CYRIB: variants seen among roughly 807,000 people sequenced by gnomAD.
The protein encoded by CYRIB is CYFIP related Rac1 interactor B, also known as CYFIP-related Rac1 interactor B.
CYRIB carries 8 observed loss-of-function variants against 44.2 expected under a neutral mutation model. The observed-to-expected ratio is 0.18, with a 90% CI of 0.11 to 0.33. CYRIB has a LOEUF of 0.33. Ranked by LOEUF, CYRIB falls within the 10% of genes least tolerant of loss-of-function variation. The probability of loss-of-function intolerance (pLI) is 1.00; values close to 1 mark genes in which losing one functional copy is unlikely to be tolerated. For missense variants in CYRIB, 185 were observed against 382.8 expected, an observed-to-expected ratio of 0.48 and a Z score of 4.31; for synonymous variants, 131 against 127.2, an observed-to-expected ratio of 1.03 and a Z score of -0.20.
intron 1 of CYRIB, among the ~76,000 whole-genome samples, chr8:129,980,931 C>T (rs2096210713): frequency 6.6e-6 from 1 of 151,046 alleles, no homozygotes; most frequent in South Asian, 2.1e-4. Context: ...CTGCAGTGAG[C>T]AGAGGTGGCA....
chr8:129,966,261 C>A (rs2095475609), intron 2 of CYRIB, among the ~76,000 whole-genome samples: 1 of 152,152 alleles, frequency 6.6e-6, no homozygotes, highest in African/African-American at 2.4e-5. Flanking sequence ...ACATTTATAA[C>A]TATAGGAAAC....
chr8:129,869,811 A>G (rs1232645609), intron 4 of CYRIB, among the ~76,000 whole-genome samples: 1 of 152,184 alleles, frequency 6.6e-6, no homozygotes, highest in Non-Finnish European at 1.5e-5. Context: ...CAAAATATAT[A>G]AGAAACCAGG....
intron 2 of CYRIB, among the ~76,000 whole-genome samples, chr8:129,900,500 C>G (rs2135592859): frequency 6.6e-6 from 1 of 152,304 alleles, no homozygotes; most frequent in East Asian, 1.9e-4. Flanking sequence ...CTGAAACTTA[C>G]CACCGTACAG....
chr8:129,861,942 C>T, intron 5 of CYRIB, among the ~76,000 whole-genome samples: 1 of 152,112 alleles, frequency 6.6e-6, no homozygotes, highest in East Asian at 1.9e-4. Context: ...CTTGGTTAGT[C>T]AAACTTTTGT....
chr8:129,961,299 G>A lies in CYRIB; in HGVS notation c.-243+9644C>T, dbSNP rs556657568. On this transcript the variant is annotated intron_variant, in intron 2 of 14. Coordinates refer to the CYRIB transcript ENST00000401979. ...GGGTTCTGCTCTGGGGTTCAGAAAC[G>A]GGAGTCATCATATGGACAGAGTGGT... Among the ~76,000 whole-genome samples, 67 of 152,276 alleles carry A rather than the reference G, an allele frequency of 4.4e-4. 1 individual carries two copies. The South Asian group carries it at 0.012, about 28-fold the overall frequency.
intron 2 of CYRIB, among the ~76,000 whole-genome samples, chr8:129,951,830 T>G (rs2094519699): frequency 6.6e-6 from 1 of 152,230 alleles, no homozygotes; most frequent in Non-Finnish European, 1.5e-5. Context: ...TCGTTTGTAT[T>G]ATGTTTATTG....
intron 2 of CYRIB, among the ~76,000 whole-genome samples, chr8:129,895,090 A>G (rs2067292938): frequency 9.1e-6 from 1 of 109,614 alleles, no homozygotes; most frequent in Non-Finnish European, 1.7e-5. Flanking sequence ...TGCCCGTGTC[A>G]TCATGCTAGT....
At chr8:129,902,041 A>C (rs1282214536) in intron 2 of CYRIB, among the ~76,000 whole-genome samples, 1 of 152,192 alleles carries the variant, frequency 6.6e-6, no homozygotes, top group Non-Finnish European at 1.5e-5. Context: ...ATTCTGAGGC[A>C]GGATTCATAG....
chr8:129,905,756 A>G (rs2074979237), intron 1 of CYRIB, among the ~76,000 whole-genome samples: 1 of 152,226 alleles, frequency 6.6e-6, no homozygotes, highest in Non-Finnish European at 1.5e-5. Flanking sequence ...GCATAAAATC[A>G]TGGGGGAAAA....
chr8:129,850,822 A>G lies in CYRIB; in HGVS notation c.713+13T>C, dbSNP rs373313465. Reference sequence around the variant, plus strand: ...CAGCACTGTTAAAGTGAAAAAGATCAGCTGATACTCACGGTGTTTCCAGCA... The same window carrying G: ...CAGCACTGTTAAAGTGAAAAAGATCGGCTGATACTCACGGTGTTTCCAGCA... On this transcript the variant is annotated intron_variant, in intron 9 of 11. Transcript: ENST00000519824. The G allele has an allele frequency of 9.6e-5, 153 of 1,593,454 alleles. No homozygotes were observed. The highest frequency in any genetic ancestry group is 1.2e-4 in the Admixed American group (7 of 59,746).
At chr8:129,869,839 G>A (rs2056209289) in intron 4 of CYRIB, among the ~76,000 whole-genome samples, 1 of 152,044 alleles carries the variant, frequency 6.6e-6, no homozygotes, top group South Asian at 2.1e-4. Flanking sequence ...TCCTCAAGCT[G>A]GAAGTACAGT....
intron 1 of CYRIB, among the ~76,000 whole-genome samples, chr8:129,983,842 A>C (rs1003059952): frequency 1.3e-5 from 2 of 152,222 alleles, no homozygotes; most frequent in Non-Finnish European, 2.9e-5. Context: ...AACCGGGTGC[A>C]AGAGGCCGAA....
chr8:129,852,359 T>C, intron 7 of CYRIB, 81 bp from the exon 10 acceptor site: 1 of 753,534 alleles, frequency 1.3e-6, no homozygotes. Flanking sequence ...CCAGGCAGGG[T>C]GCCTGCCTCA....
At chr8:129,909,283 A>C (rs2076895637) in intron 1 of CYRIB, among the ~76,000 whole-genome samples, 1 of 152,182 alleles carries the variant, frequency 6.6e-6, no homozygotes, top group African/African-American at 2.4e-5. Flanking sequence ...TTACAATCTT[A>C]ATTTTCCCCT....
At position 130,012,143 on chromosome 8, in the gene CYRIB, A is replaced by G. The variant is rs77047708; in HGVS notation, c.-296+4227T>C. Among the ~76,000 whole-genome samples, 1,230 of 152,184 alleles carry G rather than the reference A, an allele frequency of 8.1e-3. 18 individuals carry two copies. The highest frequency in any genetic ancestry group is 0.028 in the African/African-American group (1,172 of 41,516). On this transcript the variant is annotated intron_variant, in intron 1 of 14. Coordinates refer to the CYRIB transcript ENST00000401979. ...CTCCTCATCAACTTCGATTATTTAT[A>G]TATTTATGAACACGATGTTCAAGGA...
chr8:129,914,751 G>A (rs1357070299), intron 1 of CYRIB, among the ~76,000 whole-genome samples: 2 of 152,112 alleles, frequency 1.3e-5, no homozygotes, highest in South Asian at 2.1e-4. Flanking sequence ...TAAAAATCAT[G>A]AACAACATAA....
At chr8:129,879,727 G>A in intron 2 of CYRIB, 1 of 375,036 alleles carries the variant, frequency 2.7e-6, no homozygotes, top group Non-Finnish European at 4.8e-6. Flanking sequence ...ATTCTCCCAA[G>A]ACAAGTTTCA....
chr8:129,959,632 A>T (rs1343475841), intron 2 of CYRIB, among the ~76,000 whole-genome samples: 6 of 152,150 alleles, frequency 3.9e-5, no homozygotes, highest in Admixed American at 2.6e-4. Flanking sequence ...TTAAAAAATA[A>T]GAAAAAGGTG....
chr8:129,915,502 AC>A (rs965341360), intron 1 of CYRIB, among the ~76,000 whole-genome samples: 5 of 152,202 alleles, frequency 3.3e-5, no homozygotes, highest in African/African-American at 1.2e-4. Context: ...ATTCTAGGAA[AC>A]GCAAACTAAT....
Sources: gnomAD v4.1 joint callset for allele counts (sites outside exome capture counted in the v4.1 genomes callset) on GRCh38, gnomAD v4.1.1 for gene constraint, MANE v1.5 for transcripts, NCBI Gene and HGNC (gene_info 2026-07-23, HGNC 2026-07-21) for gene names.